The following PTK2 variants were observed in gnomAD, a reference collection of about 807,000 sequenced individuals.
The protein encoded by PTK2 is focal adhesion kinase 1.
A neutral mutation model predicts 150.1 loss-of-function variants in PTK2; 45 were observed. The ratio of observed to expected loss-of-function variants is 0.30; its 90% confidence interval spans 0.24 to 0.38. The LOEUF (loss-of-function observed/expected upper bound fraction) is 0.38. Among genes scored for constraint, PTK2 ranks in the 10% least tolerant of loss-of-function variants. The pLI, the probability that PTK2 is intolerant of heterozygous loss-of-function variation, is 1.00. For missense variants in PTK2, 919 were observed against 1,307.3 expected (o/e 0.70, Z 4.58); for synonymous variants, 432 against 449.2 (o/e 0.96, Z 0.48).
intron 16 of PTK2, among the ~76,000 whole-genome samples, chr8:140,754,129 A>C (rs539948741): frequency 6.6e-6 from 1 of 152,332 alleles, no homozygotes; most frequent in Non-Finnish European, 1.5e-5. Context: ...TCATCGACTC[A>C]GGGACTGCAT....
intron 22 of PTK2, among the ~76,000 whole-genome samples, chr8:140,730,488 A>AG (rs1432609419): frequency 1.3e-5 from 2 of 152,184 alleles, no homozygotes; most frequent in Non-Finnish European, 2.9e-5. Flanking sequence ...GTCAAGATAG[A>AG]GGTTACCCTT....
rs74805434 is a variant in PTK2, at chr8:140,723,727, T to A, written c.2031-6018A>T. On this transcript the variant is annotated intron_variant, in intron 22 of 31. Transcript: ENST00000522684. ...GGTTTCCAAGTCTCAAACTTGCAAA[T>A]AGATGGAACAATGAAAGCTGAGACT... Among the ~76,000 whole-genome samples the A allele has an allele frequency of 2.9e-3, 439 of 152,318 alleles. 3 individuals are homozygous for A. Among genetic ancestry groups the A allele is most frequent in the African/African-American group, 0.01 (425 of 41,568 alleles).
Position 140,925,558 on chromosome 8 carries a change from T to C in PTK2, c.-33+103A>G, listed in dbSNP as rs561729012. The C allele has an allele frequency of 1.7e-5, 12 of 687,862 alleles. No individual in the cohort carries two copies. The South Asian group carries it at 6.6e-4, about 38-fold the overall frequency. The allele number at this position is 687,862 out of a possible 1,614,324, so 42.6% of individuals were successfully genotyped here. The stretch of plus-strand genomic sequence containing the variant: ...GAAATATTAGTCATAATAAATCTAA[T>C]CACCTTCCAAAGACAGACAACAGGA... On this transcript the variant is annotated intron_variant, in intron 2 of 31. Transcript: ENST00000522684.
intron 22 of PTK2, among the ~76,000 whole-genome samples, chr8:140,721,071 C>A (rs936398621): frequency 3.3e-5 from 5 of 149,754 alleles, no homozygotes; most frequent in African/African-American, 1.0e-4. Context: ...ACCTTTCTTT[C>A]TTTATTTTTT....
At chr8:140,891,941 C>G (rs1375598330) in intron 2 of PTK2, among the ~76,000 whole-genome samples, 3 of 152,198 alleles carry the variant, frequency 2.0e-5, no homozygotes, top group Non-Finnish European at 2.9e-5. Context: ...TATGGCTGCT[C>G]ATGCCTGTAA....
intron 2 of PTK2, among the ~76,000 whole-genome samples, chr8:140,913,334 T>C (rs1315715331): frequency 2.0e-5 from 3 of 150,398 alleles, no homozygotes; most frequent in Admixed American, 6.7e-5. Context: ...CTCACTCTGT[T>C]GCCCAGGCTG....
At position 140,929,252 on chromosome 8, in the gene PTK2, A is replaced by G. The variant is rs958958672; in HGVS notation, c.-121-3503T>C. On this transcript the variant is annotated intron_variant, in intron 1 of 31. Transcript: ENST00000522684. Reference sequence around the variant, plus strand: ...AGTGCTGGGATTACAGGCGTGAGCCACCGCGCCCGGCCACAATTTTTTAAC... The same window carrying G: ...AGTGCTGGGATTACAGGCGTGAGCCGCCGCGCCCGGCCACAATTTTTTAAC... 2.7e-4 allele frequency among the ~76,000 whole-genome samples: 41 copies of G among 152,062 alleles called. 1 individual carries two copies. Among genetic ancestry groups the G allele is most frequent in the Admixed American group, 2.6e-3 (40 of 15,266 alleles).
intron 19 of PTK2, 98 bp from the exon 23 acceptor site, chr8:140,743,428 G>T (rs1043565214): frequency 6.4e-6 from 5 of 780,842 alleles, no homozygotes; most frequent in Non-Finnish European, 1.0e-5. Flanking sequence ...TTGAAAGACA[G>T]CTTATATACA....
At chr8:140,666,445 A>C (rs886078256) in intron 30 of PTK2, among the ~76,000 whole-genome samples, 1 of 152,192 alleles carries the variant, frequency 6.6e-6, no homozygotes, top group African/African-American at 2.4e-5. Context: ...AAAAAGAAAA[A>C]AAAAACTTGA....
intron 23 of PTK2, among the ~76,000 whole-genome samples, chr8:140,706,855 ACT>A: frequency 6.6e-6 from 1 of 152,226 alleles, no homozygotes; most frequent in Non-Finnish European, 1.5e-5. Flanking sequence ...ACGTAGCAAG[ACT>A]GTACCTTTGA....
chr8:140,993,134 T>C (rs2100196360), intron 1 of PTK2, among the ~76,000 whole-genome samples: 1 of 152,176 alleles, frequency 6.6e-6, no homozygotes, highest in African/African-American at 2.4e-5. Flanking sequence ...AGCAGAGCAA[T>C]ATTTTTTTCC....
intron 5 of PTK2, among the ~76,000 whole-genome samples, chr8:140,862,838 C>G (rs897067808): frequency 6.6e-6 from 1 of 152,186 alleles, no homozygotes; most frequent in Non-Finnish European, 1.5e-5. Context: ...CCCCACACCC[C>G]ACCCTGCCAC....
intron 5 of PTK2, among the ~76,000 whole-genome samples, chr8:140,853,914 C>T (rs907467513): frequency 1.3e-5 from 2 of 152,046 alleles, no homozygotes; most frequent in Non-Finnish European, 2.9e-5. Context: ...TGTATCTTAA[C>T]GACAGCTTTA....
At chr8:140,759,448 C>A (rs2100067917) in intron 16 of PTK2, among the ~76,000 whole-genome samples, 2 of 147,226 alleles carry the variant, frequency 1.4e-5, no homozygotes, top group South Asian at 4.3e-4. Context: ...GTGGGAGGAC[C>A]ACTTGAGCCT....
chr8:140,815,223 CAA>C (rs775197648), intron 10 of PTK2, among the ~76,000 whole-genome samples: 2 of 131,952 alleles, frequency 1.5e-5, no homozygotes. Flanking sequence ...ATTATGCAGC[CAA>C]AAAAAAAAAA....
intron 16 of PTK2, among the ~76,000 whole-genome samples, chr8:140,755,107 T>C (rs2154528561): frequency 6.6e-6 from 1 of 152,102 alleles, no homozygotes; most frequent in African/African-American, 2.4e-5. Flanking sequence ...TCTTAACAAA[T>C]AAATGTAGAA....
At chr8:140,957,782 A>T (rs1268330783) in intron 1 of PTK2, among the ~76,000 whole-genome samples, 1 of 152,226 alleles carries the variant, frequency 6.6e-6, no homozygotes, top group African/African-American at 2.4e-5. Flanking sequence ...CATGCTGTAC[A>T]ATTTTGCAGT....
In PTK2 at chr8:140,808,579, TA is replaced by T. The variant is rs369031718; in HGVS notation, c.868-4930del. ...AACAGTTAACATTTAAAAATCATAT[TA>T]CCTGCTCATAAGCCAATATGAAATT... On this transcript the variant is annotated intron_variant, in intron 10 of 31. Coordinates refer to ENST00000522684, the Ensembl canonical transcript of PTK2. 2.4e-3 allele frequency among the ~76,000 whole-genome samples: 366 copies of T among 152,226 alleles called. 2 individuals carry two copies. The highest frequency in any genetic ancestry group is 8.5e-3 in the African/African-American group (351 of 41,538).
At chr8:140,693,564 TAAAAAAAAAAAAAAAA>T (rs377205785) in intron 26 of PTK2, among the ~76,000 whole-genome samples, 23 of 72,456 alleles carry the variant, frequency 3.2e-4, no homozygotes, top group East Asian at 9.2e-4. Flanking sequence ...TTGTCTCAAT[TAAAAAAAAAAAAAAAA>T]AAAAAAAAAA....
Sources: gnomAD v4.1 joint callset for allele counts (sites outside exome capture counted in the v4.1 genomes callset) on GRCh38, gnomAD v4.1.1 for gene constraint, MANE v1.5 for transcripts, NCBI Gene and HGNC (gene_info 2026-07-23, HGNC 2026-07-21) for gene names.